The following ABCD3 variants were observed in gnomAD, a reference collection of about 807,000 sequenced individuals.
ABCD3 encodes the protein ATP binding cassette subfamily D member 3.
In ABCD3, 41 loss-of-function variants were observed where a neutral mutation model predicts 105.5. That is an observed-to-expected ratio of 0.39 (90% CI 0.30 to 0.50). ABCD3 has a LOEUF of 0.50. ABCD3 is among the 20% of genes least tolerant of loss of function. The pLI is 0.84. For missense variants in ABCD3, 622 were observed against 806.3 expected (o/e 0.77, Z 2.77); for synonymous variants, 258 against 269.0 (o/e 0.96, Z 0.40).
At chr1:94,444,425 A>G (rs1374742470) in intron 1 of ABCD3, among the ~76,000 whole-genome samples, 1 of 151,686 alleles carries the variant, frequency 6.6e-6, no homozygotes, top group Non-Finnish European at 1.5e-5. Flanking sequence ...TTGGCCTCCT[A>G]AAGTGCTGTG....
chr1:94,418,443 G>A lies in ABCD3; in HGVS notation c.-36G>A, dbSNP rs72559438. The A allele has an allele frequency of 1.3e-6, 2 of 1,549,648 alleles. No individual in the cohort carries two copies. Among genetic ancestry groups the A allele is most frequent in the East Asian group, 2.4e-5 (1 of 42,292 alleles). On this transcript the variant is annotated 5_prime_UTR_variant, in exon 1 of 23. Transcript: ENST00000370214. Reference sequence around the variant, plus strand: ...GGTAGCCGCCGCCGCCGCCGCCGCCGCGTCCCCTCGCCGGCTCGCTGGTAC... The same window carrying A: ...GGTAGCCGCCGCCGCCGCCGCCGCCACGTCCCCTCGCCGGCTCGCTGGTAC...
intron 1 of ABCD3, among the ~76,000 whole-genome samples, chr1:94,453,501 G>T (rs1647367532): frequency 6.6e-6 from 1 of 151,718 alleles, no homozygotes; most frequent in African/African-American, 2.4e-5. Context: ...TGTATTTTTA[G>T]TAGAGATGGG....
chr1:94,418,521 C>G lies in ABCD3; in HGVS notation c.43C>G (p.Leu15Val), dbSNP rs1659115327. Reference sequence around the variant, plus strand: ...GTACTTGACGGCGCGAAACTCCTCGCTGGCTGGTGCCGCGTTCCTGCTGCT... The same window carrying G: ...GTACTTGACGGCGCGAAACTCCTCGGTGGCTGGTGCCGCGTTCCTGCTGCT... ...SKYLTARNSS[L>V]AGAAFLLLCL... The change falls in exon 1 of 23, where the codon CTG becomes GTG. Residue 15 changes from leucine (L) to valine (V), a missense_variant. By Grantham distance (32) the Leu-to-Val change is conservative (BLOSUM62 1). Coordinates refer to ENST00000370214, the MANE Select transcript of ABCD3 (RefSeq NM_002858.4). The G allele has an allele frequency of 1.9e-6, 3 of 1,605,684 alleles. No homozygotes were observed. In the African/African-American group the frequency reaches 4.0e-5, roughly 21 times the overall value.
At chr1:94,436,402 C>T (rs1659903251) in intron 1 of ABCD3, among the ~76,000 whole-genome samples, 1 of 152,188 alleles carries the variant, frequency 6.6e-6, no homozygotes, top group Non-Finnish European at 1.5e-5. Context: ...AATAATAATA[C>T]AAATATCTCT....
chr1:94,463,224 G>C (rs1453857159), intron 2 of ABCD3, among the ~76,000 whole-genome samples: 1 of 152,180 alleles, frequency 6.6e-6, no homozygotes, highest in Non-Finnish European at 1.5e-5. Flanking sequence ...CAGTTGCAGG[G>C]TAGGTGGATT....
chr1:94,504,772 G>A (rs1379861319), intron 20 of ABCD3, among the ~76,000 whole-genome samples: 4 of 152,160 alleles, frequency 2.6e-5, no homozygotes, highest in African/African-American at 7.2e-5. Flanking sequence ...CTGGTTACAT[G>A]GAGAGTGGAC....
intron 21 of ABCD3, among the ~76,000 whole-genome samples, chr1:94,509,596 C>T (rs1444725606): frequency 1.3e-5 from 2 of 152,202 alleles, no homozygotes; most frequent in Non-Finnish European, 2.9e-5. Context: ...TGGTAGAATT[C>T]GGCTGTGACT....
At chr1:94,509,710 G>A (rs1013845480) in intron 21 of ABCD3, among the ~76,000 whole-genome samples, 9 of 152,180 alleles carry the variant, frequency 5.9e-5, no homozygotes, top group Non-Finnish European at 1.3e-4. Flanking sequence ...TCCTGGTTTA[G>A]TCTTGGGAGT....
At chr1:94,421,593 T>TGTGTG (rs1193255210) in intron 1 of ABCD3, among the ~76,000 whole-genome samples, 1 of 151,978 alleles carries the variant, frequency 6.6e-6, no homozygotes, top group Non-Finnish European at 1.5e-5. Context: ...TGTGTGTGTA[T>TGTGTG]TACAAAAATA....
Position 94,493,860 on chromosome 1 carries a change from C to T in ABCD3, c.1386+2613C>T, listed in dbSNP as rs1396252505. On this transcript the variant is annotated intron_variant, in intron 16 of 22. Transcript: ENST00000370214. ...ATCGCAAGGACAAAAAACCAAACACCGCATATTCTCACTCATAGGTGGGAA... is the reference window on the plus strand; with the variant it reads ...ATCGCAAGGACAAAAAACCAAACACTGCATATTCTCACTCATAGGTGGGAA... Among the ~76,000 whole-genome samples, 14 of 151,966 alleles carry T rather than the reference C, an allele frequency of 9.2e-5. No homozygotes were observed. In the East Asian group the frequency reaches 1.5e-3, roughly 17 times the overall value.
chr1:94,417,802 C>T (rs116519665), upstream of ABCD3, among the ~76,000 whole-genome samples: 1 of 152,222 alleles, frequency 6.6e-6, no homozygotes, highest in Non-Finnish European at 1.5e-5. Context: ...TCCCGATCTA[C>T]CAAACCAATT....
At chr1:94,395,660 G>C in the ABCD3 span, among the ~76,000 whole-genome samples, 1 of 152,200 alleles carries the variant, frequency 6.6e-6, no homozygotes, top group Non-Finnish European at 1.5e-5. Context: ...AGTGCAGAGT[G>C]CCAAAGAGAT....
At chr1:94,436,817 C>G (rs1283480705) in intron 1 of ABCD3, among the ~76,000 whole-genome samples, 1 of 152,104 alleles carries the variant, frequency 6.6e-6, no homozygotes, top group East Asian at 1.9e-4. Context: ...TGCCAGTTAG[C>G]CAAGTTGTGA....
At chr1:94,418,692 G>A in intron 1 of ABCD3, 104 bp downstream of exon 1, 1 of 1,284,532 alleles carries the variant, frequency 7.8e-7, no homozygotes, top group Non-Finnish European at 1.1e-6. Flanking sequence ...CGACGGGGTC[G>A]GGCGGAGAGA....
chr1:94,438,326 A>G (rs1341679755), intron 1 of ABCD3, among the ~76,000 whole-genome samples: 1 of 150,588 alleles, frequency 6.6e-6, no homozygotes, highest in East Asian at 1.9e-4. Context: ...ACACACACAC[A>G]CACACACACA....
At chr1:94,392,528 T>C in the ABCD3 span, among the ~76,000 whole-genome samples, 1 of 152,336 alleles carries the variant, frequency 6.6e-6, no homozygotes, top group South Asian at 2.1e-4. Context: ...CTATCCATCT[T>C]ACCTTAAAAT....
chr1:94,467,530 T>C (rs1353489200), intron 3 of ABCD3, among the ~76,000 whole-genome samples: 2 of 152,216 alleles, frequency 1.3e-5, no homozygotes, highest in African/African-American at 4.8e-5. Context: ...ACTGTATATG[T>C]GCAGTTACTG....
rs150557935 is a variant in ABCD3 at position 94,465,020 on chromosome 1, C to T, written c.246+147C>T. ...CATGGCACAGCATCTCCTCCACTTCCGGGGAGGCCTCAGGAAGCTGGCAAT... is the reference window on the plus strand; with the variant it reads ...CATGGCACAGCATCTCCTCCACTTCTGGGGAGGCCTCAGGAAGCTGGCAAT... On this transcript the variant is annotated intron_variant, in intron 3 of 22. Coordinates refer to ENST00000370214, the MANE Select transcript of ABCD3 (RefSeq NM_002858.4). 4,982 of 724,862 alleles carry T rather than the reference C, an allele frequency of 6.9e-3. 21 individuals are homozygous for T. The highest frequency in any genetic ancestry group is 0.012 in the African/African-American group (679 of 56,330). The allele number at this position is 724,862 out of a possible 1,614,324, so 44.9% of individuals were successfully genotyped here.
At chr1:94,501,168 G>A (rs986549004) in intron 20 of ABCD3, among the ~76,000 whole-genome samples, 2 of 151,722 alleles carry the variant, frequency 1.3e-5, no homozygotes, top group African/African-American at 4.8e-5. Flanking sequence ...GGCTGAGGCG[G>A]GAGAATCACT....
Sources: gnomAD v4.1 joint callset for allele counts (sites outside exome capture counted in the v4.1 genomes callset) on GRCh38, gnomAD v4.1.1 for gene constraint, MANE v1.5 for transcripts, NCBI Gene and HGNC (gene_info 2026-07-23, HGNC 2026-07-21) for gene names.